Variants in CNIH3 observed in about 807,000 individuals in gnomAD.
CNIH3 encodes protein cornichon homolog 3.
A neutral mutation model predicts 24.1 loss-of-function variants in CNIH3; 14 were observed. That is an observed-to-expected ratio of 0.58 (90% CI 0.38 to 0.91). CNIH3 has a LOEUF of 0.91. Ranked by LOEUF, CNIH3 falls within the 40% of genes least tolerant of loss-of-function variation. The probability of loss-of-function intolerance (pLI) is 0.00; values close to 1 mark genes in which losing one functional copy is unlikely to be tolerated. For missense variants in CNIH3, 178 were observed against 196.8 expected (o/e 0.90, Z 0.57); for synonymous variants, 68 against 73.8 (o/e 0.92, Z 0.40).
chr1:224,723,194 A>G (rs949446876), intron 3 of CNIH3, among the ~76,000 whole-genome samples: 2 of 152,212 alleles, frequency 1.3e-5, no homozygotes, highest in Admixed American at 6.5e-5. Context: ...GGTGCAGTCC[A>G]CGAAGGCAGT....
chr1:224,619,906 G>A (rs1683200248), intron 1 of CNIH3, among the ~76,000 whole-genome samples: 1 of 152,216 alleles, frequency 6.6e-6, no homozygotes, highest in Admixed American at 6.5e-5. Flanking sequence ...CTACTTAGGG[G>A]TAATGATGGT....
upstream of CNIH3, among the ~76,000 whole-genome samples, chr1:224,513,149 C>A (rs966258458): frequency 3.3e-5 from 5 of 152,098 alleles, no homozygotes; most frequent in Admixed American, 1.3e-4. Flanking sequence ...GTATAATTTA[C>A]AATTTGTGCT....
chr1:224,448,381 C>T (rs1041020468), intron 1 of CNIH3, among the ~76,000 whole-genome samples: 23 of 152,118 alleles, frequency 1.5e-4, no homozygotes, highest in African/African-American at 5.3e-4. Flanking sequence ...AGTGGGGCTA[C>T]TTTGGAAGAG....
chr1:224,454,349 G>A, intron 1 of CNIH3: 1 of 974,854 alleles, frequency 1.0e-6, no homozygotes. Flanking sequence ...GCTTGGTAAG[G>A]TTAAAAATAA....
At chr1:224,736,706 C>G (rs1339844746) in intron 5 of CNIH3, among the ~76,000 whole-genome samples, 2 of 152,178 alleles carry the variant, frequency 1.3e-5, no homozygotes, top group Non-Finnish European at 2.9e-5. Flanking sequence ...ATGTTTACTG[C>G]TCCAGCCTGC....
chr1:224,524,055 G>T (rs1355405402), intron 2 of CNIH3, among the ~76,000 whole-genome samples: 1 of 152,208 alleles, frequency 6.6e-6, no homozygotes, highest in Non-Finnish European at 1.5e-5. Flanking sequence ...ACTTCTTAGG[G>T]AATTGCTTTG....
intron 3 of CNIH3, among the ~76,000 whole-genome samples, chr1:224,605,653 T>A (rs1682385674): frequency 6.6e-6 from 1 of 151,984 alleles, no homozygotes; most frequent in Non-Finnish European, 1.5e-5. Context: ...TCTTTTCAGG[T>A]TTTTGCATTT....
chr1:224,618,769 G>C (rs918236353), intron 1 of CNIH3, among the ~76,000 whole-genome samples: 1 of 152,192 alleles, frequency 6.6e-6, no homozygotes, highest in African/African-American at 2.4e-5. Flanking sequence ...ATATTTGGGG[G>C]ATGATTAAAA....
chr1:224,549,942 A>T (rs1367892660), intron 3 of CNIH3, among the ~76,000 whole-genome samples: 1 of 152,026 alleles, frequency 6.6e-6, no homozygotes, highest in Non-Finnish European at 1.5e-5. Context: ...CAGTGTGTAA[A>T]CACTGTATGT....
At chr1:224,606,553 T>G (rs1299887924) in intron 3 of CNIH3, among the ~76,000 whole-genome samples, 1 of 151,934 alleles carries the variant, frequency 6.6e-6, no homozygotes. Flanking sequence ...GAGCCTGGAG[T>G]TTTTATAAAT....
intron 1 of CNIH3, among the ~76,000 whole-genome samples, chr1:224,464,081 G>A (rs1220925354): frequency 6.6e-6 from 1 of 151,904 alleles, no homozygotes; most frequent in Non-Finnish European, 1.5e-5. Flanking sequence ...GAGCCACCGC[G>A]CTCGACCTGG....
intron 3 of CNIH3, among the ~76,000 whole-genome samples, chr1:224,686,516 A>G (rs1290385261): frequency 6.6e-6 from 1 of 152,204 alleles, no homozygotes; most frequent in Non-Finnish European, 1.5e-5. Flanking sequence ...CTTTGGGTAT[A>G]TGCCCAGTAA....
upstream of CNIH3, among the ~76,000 whole-genome samples, chr1:224,613,367 G>T (rs951263909): frequency 2.0e-5 from 3 of 152,156 alleles, no homozygotes; most frequent in Non-Finnish European, 4.4e-5. Flanking sequence ...AGCAACATAG[G>T]GTATAACCCA....
intron 3 of CNIH3, among the ~76,000 whole-genome samples, chr1:224,562,267 G>A (rs1384609677): frequency 1.3e-5 from 2 of 151,978 alleles, no homozygotes; most frequent in Non-Finnish European, 2.9e-5. Context: ...CCTTTCCTGG[G>A]GTCTTCCCTG....
intron 1 of CNIH3, among the ~76,000 whole-genome samples, chr1:224,455,651 A>G (rs1257970336): frequency 2.0e-5 from 3 of 151,986 alleles, no homozygotes; most frequent in Admixed American, 1.3e-4. Context: ...GCTTAGTCTG[A>G]CCCTACTCAG....
intron 3 of CNIH3, among the ~76,000 whole-genome samples, chr1:224,598,083 A>T (rs1682061804): frequency 1.3e-5 from 2 of 152,212 alleles, no homozygotes; most frequent in African/African-American, 4.8e-5. Flanking sequence ...AACTTCCTGG[A>T]AAGGATTCAC....
At chr1:224,658,860 G>A (rs1378125924) in intron 1 of CNIH3, among the ~76,000 whole-genome samples, 1 of 152,094 alleles carries the variant, frequency 6.6e-6, no homozygotes, top group Non-Finnish European at 1.5e-5. Context: ...GCTAAGTTCA[G>A]TAAAACCTTA....
chr1:224,505,697 A>G (rs1176562888), intron 1 of CNIH3, among the ~76,000 whole-genome samples: 1 of 152,232 alleles, frequency 6.6e-6, no homozygotes, highest in African/African-American at 2.4e-5. Flanking sequence ...GTTTGACTCT[A>G]AGATCTTGTT....
chr1:224,538,189 T>C (rs1052423180), downstream of CNIH3, among the ~76,000 whole-genome samples: 6 of 152,210 alleles, frequency 3.9e-5, no homozygotes, highest in Admixed American at 3.9e-4. Flanking sequence ...CCTCAAGTGA[T>C]CCATCCGCAT....
Sources: allele counts gnomAD v4.1 joint callset (sites outside exome capture counted in the v4.1 genomes callset), GRCh38; gene constraint gnomAD v4.1.1; transcripts MANE v1.5; gene names NCBI Gene and HGNC (gene_info 2026-07-23, HGNC 2026-07-21).